SEMA4D: variants seen among roughly 807,000 people sequenced by gnomAD.
SEMA4D encodes semaphorin-4D.
A neutral mutation model predicts 74.8 loss-of-function variants in SEMA4D; 22 were observed. The observed-to-expected ratio is 0.29, with a 90% CI of 0.21 to 0.42. SEMA4D has a LOEUF of 0.42. Among genes scored for constraint, SEMA4D ranks in the 10% least tolerant of loss-of-function variants. The pLI is 1.00. For missense variants in SEMA4D, 937 were observed against 1,118.4 expected (o/e 0.84, Z 2.31); for synonymous variants, 445 against 463.7 (o/e 0.96, Z 0.52).
At chr9:89,362,239 G>A (rs901557352) in exon 19 of SEMA4D, 31 of 1,224,416 alleles carry the variant, frequency 2.5e-5, no homozygotes, top group Non-Finnish European at 3.2e-5. Context: ...CCACTGTCCC[G>A]CCTCTGCCCA....
chr9:89,417,440 G>C (rs1460284053), intron 2 of SEMA4D, among the ~76,000 whole-genome samples: 11 of 152,204 alleles, frequency 7.2e-5, no homozygotes, highest in Admixed American at 7.2e-4. Context: ...CTGGCAGCAG[G>C]ACTCTTTAAA....
intron 1 of SEMA4D, among the ~76,000 whole-genome samples, chr9:89,488,798 T>C (rs903595115): frequency 3.3e-5 from 5 of 152,132 alleles, no homozygotes; most frequent in Admixed American, 3.3e-4. Flanking sequence ...GCACAAACCA[T>C]TAAAACAACT....
At chr9:89,392,112 T>C (rs948853605) in intron 8 of SEMA4D, among the ~76,000 whole-genome samples, 2 of 152,216 alleles carry the variant, frequency 1.3e-5, no homozygotes, top group African/African-American at 4.8e-5. Flanking sequence ...AATTATACCA[T>C]GTCCCCATCT....
At chr9:89,396,869 T>C in intron 5 of SEMA4D, 34 bp from the exon 6 acceptor site, 1 of 1,579,020 alleles carries the variant, frequency 6.3e-7, no homozygotes, top group Non-Finnish European at 8.6e-7. Flanking sequence ...TTAGCAACCG[T>C]CCAGCCCAGA....
rs1386612499 is a variant in SEMA4D at position 89,377,466 on chromosome 9, G to A, written c.*1238C>T. On this transcript the variant is annotated 3_prime_UTR_variant, in exon 16 of 16. Coordinates refer to ENST00000422704, the MANE Select transcript of SEMA4D (RefSeq NM_001371194.2). ...CCGATGGGTATTTACAAAGCGGGGA[G>A]ATGGAGTGTGAAATTAACCAGTGTT... is the stretch of plus-strand genomic sequence containing the variant. 1 of 157,238 alleles carries A rather than the reference G, an allele frequency of 6.4e-6. No individual in the cohort carries two copies. Among genetic ancestry groups the A allele is most frequent in the Non-Finnish European group, 1.4e-5 (1 of 71,362 alleles). 9.7% of individuals were successfully genotyped at this position (157,238 alleles called of 1,614,324 possible). A position where few individuals can be genotyped will look rare whatever the true frequency, so the allele number is the denominator to read the frequency against.
chr9:89,381,563 T>C lies in SEMA4D; in HGVS notation c.1447-217A>G, dbSNP rs1837067594. On this transcript the variant is annotated intron_variant, in intron 13 of 15. Transcript: ENST00000422704. This position sits in a 1 kb window ranked among gnomAD's most constrained non-coding sequence, Gnocchi z 4.6. ...ATGTCAGGGCTCACTGGGCCTTAGG[T>C]CCAAATCCCTCTCTCCCCTGTCTGG... is the stretch of plus-strand genomic sequence containing the variant. 1 of 441,958 alleles carries C rather than the reference T, an allele frequency of 2.3e-6. No individual in the cohort carries two copies. The highest frequency in any genetic ancestry group is 4.0e-6 in the Non-Finnish European group (1 of 251,502). The allele number at this position is 441,958 out of a possible 1,614,324, so 27.4% of individuals were successfully genotyped here. A position where few individuals can be genotyped will look rare whatever the true frequency, so the allele number is the denominator to read the frequency against.
intron 2 of SEMA4D, among the ~76,000 whole-genome samples, chr9:89,415,496 T>C (rs1397945158): frequency 6.6e-6 from 1 of 152,214 alleles, no homozygotes; most frequent in African/African-American, 2.4e-5. Context: ...ACCAATGTGA[T>C]GGTTTCTGGA....
rs370932643 is a variant in SEMA4D at position 89,363,775 on chromosome 9, C to A, written c.2058G>T (p.Lys686Asn). 8 of 1,613,666 alleles carry A rather than the reference C, an allele frequency of 5.0e-6. No individual in the cohort carries two copies. In the African/African-American group the frequency reaches 1.1e-4, roughly 22 times the overall value. ...TCACAGCAACCTGCACCTTCGAAGTCTTGTTCCCTGCTGAGGAGAGGACAG... is the reference window on the plus strand; with the variant it reads ...TCACAGCAACCTGCACCTTCGAAGTATTGTTCCCTGCTGAGGAGAGGACAG... The change falls in exon 17 of 19, where the codon AAG becomes AAT. Residue 686 changes from lysine to asparagine, a missense_variant. Physicochemically the swap from Lys to Asn is moderately conservative, Grantham distance 94 (BLOSUM62 0). Coordinates refer to the SEMA4D transcript ENST00000339861.
intron 2 of SEMA4D, among the ~76,000 whole-genome samples, chr9:89,444,748 C>T (rs867849943): frequency 5.9e-5 from 9 of 151,998 alleles, no homozygotes; most frequent in African/African-American, 9.7e-5. Context: ...TCTTAACAAA[C>T]GCTGGTACCC....
rs529622550 is a variant in SEMA4D, at chr9:89,439,895, G to A, written c.-244+15993C>T. Among the ~76,000 whole-genome samples the A allele has an allele frequency of 3.0e-4, 45 of 152,332 alleles. 1 individual carries two copies. The South Asian group carries it at 8.7e-3, about 29-fold the overall frequency. Reference sequence around the variant, plus strand: ...ACGATCAAGCTCACCGCATCTTAGTGTCAATTTAAGCATTCACTTACTTTA... The same window carrying A: ...ACGATCAAGCTCACCGCATCTTAGTATCAATTTAAGCATTCACTTACTTTA... On this transcript the variant is annotated intron_variant, in intron 2 of 15. Coordinates refer to ENST00000422704, the MANE Select transcript of SEMA4D (RefSeq NM_001371194.2).
At chr9:89,409,871 C>T (rs934659208) in intron 2 of SEMA4D, among the ~76,000 whole-genome samples, 2 of 152,152 alleles carry the variant, frequency 1.3e-5, no homozygotes, top group South Asian at 2.1e-4. Flanking sequence ...TCAGGCCAGG[C>T]TAAGAGTCCA....
At chr9:89,370,668 CAT>C (rs755991892) in intron 16 of SEMA4D, among the ~76,000 whole-genome samples, 28 of 128,650 alleles carry the variant, frequency 2.2e-4, no homozygotes, top group Middle Eastern at 6.9e-3. Context: ...ACGTCATGCT[CAT>C]GTGTGGTGTG....
At chr9:89,433,684 G>C (rs116948044) in intron 2 of SEMA4D, among the ~76,000 whole-genome samples, 1,588 of 152,340 alleles carry the variant, frequency 0.01, 16 homozygotes, top group Middle Eastern at 0.078. Context: ...CAAGTACAGG[G>C]TGGATACCAC....
At chr9:89,387,120 C>A in intron 12 of SEMA4D, 1 of 426,990 alleles carries the variant, frequency 2.3e-6, no homozygotes, top group South Asian at 3.5e-5. Context: ...GGCCAGTACT[C>A]CTCTGCCCCA....
chr9:89,416,803 C>T (rs1022020600), intron 2 of SEMA4D, among the ~76,000 whole-genome samples: 7 of 152,338 alleles, frequency 4.6e-5, no homozygotes, highest in Admixed American at 1.3e-4. Context: ...ACCCATGCTA[C>T]ACCCAAGTCA....
chr9:89,482,011 T>C (rs1307117653), intron 1 of SEMA4D, among the ~76,000 whole-genome samples: 1 of 152,220 alleles, frequency 6.6e-6, no homozygotes, highest in African/African-American at 2.4e-5. Flanking sequence ...GACCTTCCCT[T>C]GACTCCAAGA....
chr9:89,428,921 C>T (rs1342289407), intron 2 of SEMA4D, among the ~76,000 whole-genome samples: 1 of 152,238 alleles, frequency 6.6e-6, no homozygotes, highest in African/African-American at 2.4e-5. Flanking sequence ...GCCCCTGGAC[C>T]CTGCCAACCA....
chr9:89,443,214 T>C (rs1852053784), intron 2 of SEMA4D, among the ~76,000 whole-genome samples: 1 of 152,150 alleles, frequency 6.6e-6, no homozygotes, highest in African/African-American at 2.4e-5. Flanking sequence ...CCACCCACAC[T>C]ACCCCCCTGG....
At chr9:89,472,403 C>A in intron 1 of SEMA4D, 2 of 320,856 alleles carry the variant, frequency 6.2e-6, no homozygotes, top group South Asian at 3.1e-5. Context: ...ACTGGGCATC[C>A]AAGAACAATT....
Sources: gnomAD v4.1 joint callset for allele counts (sites outside exome capture counted in the v4.1 genomes callset) on GRCh38, gnomAD v4.1.1 for gene constraint, Gnocchi (gnomAD v3.1) non-coding constraint, MANE v1.5 for transcripts, NCBI Gene and HGNC (gene_info 2026-07-23, HGNC 2026-07-21) for gene names.